RNF212: variants seen among roughly 807,000 people sequenced by gnomAD.
The protein encoded by RNF212 is probable E3 SUMO-protein ligase RNF212.
RNF212 carries 33 observed loss-of-function variants against 34.7 expected under a neutral mutation model. The observed-to-expected ratio is 0.95, with a 90% CI of 0.72 to 1.27. The LOEUF is 1.27. Among genes scored for constraint, RNF212 ranks in the 50% most tolerant of loss-of-function variants. The probability of loss-of-function intolerance (pLI) is 0.00; values close to 1 mark genes in which losing one functional copy is unlikely to be tolerated. For synonymous variants in RNF212, 140 were observed against 136.1 expected (o/e 1.03, Z -0.20); for missense variants, 377 against 362.2 (o/e 1.04, Z -0.33).
chr4:1,086,492 G>A (rs1721180638), intron 4 of RNF212, among the ~76,000 whole-genome samples: 1 of 145,606 alleles, frequency 6.9e-6, no homozygotes, highest in South Asian at 2.3e-4. Flanking sequence ...GCCCAGGCTG[G>A]CTCCTGCAAG....
At chr4:1,105,281 C>G (rs1305884160) in intron 2 of RNF212, among the ~76,000 whole-genome samples, 1 of 116,956 alleles carries the variant, frequency 8.6e-6, no homozygotes, top group African/African-American at 2.8e-5. Flanking sequence ...AGCTGCTGCT[C>G]TGCTCCGCGC....
At chr4:1,107,532 G>C (rs1048914190) in intron 2 of RNF212, among the ~76,000 whole-genome samples, 1 of 150,650 alleles carries the variant, frequency 6.6e-6, no homozygotes, top group African/African-American at 2.4e-5. Context: ...CTCACTGCAG[G>C]CTCCGCCTCC....
At chr4:1,110,517 G>T (rs1240679989) in intron 1 of RNF212, among the ~76,000 whole-genome samples, 4 of 152,050 alleles carry the variant, frequency 2.6e-5, no homozygotes, top group Non-Finnish European at 5.9e-5. Context: ...ATAGCAAAAC[G>T]GCAGAAACTA....
At chr4:1,091,007 C>G (rs1425441708) in intron 3 of RNF212, among the ~76,000 whole-genome samples, 169 bp from the exon 4 acceptor site, 3 of 152,158 alleles carry the variant, frequency 2.0e-5, no homozygotes, top group Non-Finnish European at 4.4e-5. Context: ...ACAGGCAGGG[C>G]CAAGGGCAAA....
At chr4:1,095,119 A>G (rs941819046) in intron 3 of RNF212, among the ~76,000 whole-genome samples, 371 of 114,714 alleles carry the variant, frequency 3.2e-3, no homozygotes, top group East Asian at 7.2e-3. Flanking sequence ...CCATGGTCTC[A>G]GGATAGCGCA....
chr4:1,101,216 G>GTGGC (rs1225577402), intron 2 of RNF212: 2 of 275,784 alleles, frequency 7.3e-6, no homozygotes, highest in African/African-American at 4.5e-5. Context: ...AGTAGCCGTG[G>GTGGC]TGGCATCTCT....
chr4:1,067,887 A>G (rs930081664), downstream of RNF212, among the ~76,000 whole-genome samples: 11 of 151,108 alleles, frequency 7.3e-5, no homozygotes, highest in South Asian at 8.3e-4. Context: ...AAAAAAAAAG[A>G]AATACCTAAA....
chr4:1,067,736 C>T (rs779930249), downstream of RNF212, among the ~76,000 whole-genome samples: 13 of 152,000 alleles, frequency 8.6e-5, 1 homozygote, highest in African/African-American at 2.2e-4. Context: ...AGGTGCTGCA[C>T]GCCTGTAATT....
chr4:1,074,868 T>C (rs1719024078), intron 8 of RNF212, among the ~76,000 whole-genome samples: 1 of 152,038 alleles, frequency 6.6e-6, no homozygotes. Flanking sequence ...CTCCAGGTAC[T>C]TCCTTTCACC....
At chr4:1,110,616 GAGTA>G (rs1326012558) in intron 1 of RNF212, among the ~76,000 whole-genome samples, 1 of 151,900 alleles carries the variant, frequency 6.6e-6, no homozygotes, top group East Asian at 1.9e-4. Context: ...GTCTATGTTT[GAGTA>G]AGTAATAAAA....
At chr4:1,076,353 C>T (rs976877515) in intron 8 of RNF212, among the ~76,000 whole-genome samples, 4 of 152,200 alleles carry the variant, frequency 2.6e-5, no homozygotes, top group African/African-American at 9.7e-5. Context: ...CATGGGATGG[C>T]GCTGGCTTTG....
chr4:1,088,523 G>A (rs912790236), intron 4 of RNF212, among the ~76,000 whole-genome samples: 4 of 152,210 alleles, frequency 2.6e-5, no homozygotes, highest in South Asian at 2.1e-4. Context: ...ATTGCAGCGC[G>A]ACCATGCAGT....
Position 1,073,009 on chromosome 4 carries a change from A to C in RNF212, c.759T>G (p.Leu253=). The change falls in exon 10 of 10, where the codon CTT becomes CTG. Residue 253 remains leucine (L), a synonymous_variant. Transcript: ENST00000433731. ...CCCTTTGTACCTCAGCATATATTGG[A>C]AGTGTTTTAGAGTTGGTGAGTTCCC... ...RHGELTNSKT[L]PIYAEVQRAV... The C allele has an allele frequency of 6.2e-7, 1 of 1,614,100 alleles. No homozygotes were observed. The highest frequency in any genetic ancestry group is 8.5e-7 in the Non-Finnish European group (1 of 1,180,028).
At chr4:1,110,890 G>A (rs183786127) in intron 1 of RNF212, among the ~76,000 whole-genome samples, 6 of 152,116 alleles carry the variant, frequency 3.9e-5, no homozygotes, top group African/African-American at 1.4e-4. Flanking sequence ...CAGACTACTG[G>A]AATCTGTGTT....
At chr4:1,106,695 A>ACCAGCCT (rs1724883066) in intron 2 of RNF212, among the ~76,000 whole-genome samples, 3 of 152,254 alleles carry the variant, frequency 2.0e-5, no homozygotes, top group Admixed American at 2.0e-4. Context: ...TTAAGGGCTC[A>ACCAGCCT]CCAGCCTCCA....
chr4:1,069,778 C>A (rs558829118), downstream of RNF212, among the ~76,000 whole-genome samples: 2 of 152,180 alleles, frequency 1.3e-5, no homozygotes, highest in Non-Finnish European at 1.5e-5. Flanking sequence ...GAATTTGAGG[C>A]CTTTATTCTT....
intron 3 of RNF212, chr4:1,093,284 A>T (rs886448904): frequency 1.4e-6 from 1 of 733,226 alleles, no homozygotes; most frequent in Non-Finnish European, 2.0e-6. Flanking sequence ...GTTGGTATTT[A>T]CCCTATTAGA....
chr4:1,106,393 A>C (rs1016322854), intron 2 of RNF212, among the ~76,000 whole-genome samples: 1 of 152,170 alleles, frequency 6.6e-6, no homozygotes, highest in African/African-American at 2.4e-5. Context: ...ATAATTAAAA[A>C]ACCCACATAG....
chr4:1,113,538 G>A lies in RNF212; in HGVS notation c.-74C>T, dbSNP rs372230431. On this transcript the variant is annotated 5_prime_UTR_variant, in exon 1 of 10. Coordinates refer to ENST00000433731, the MANE Select transcript of RNF212 (RefSeq NM_001131034.4). ...GCAAGGTTGGGACCAGCCTCCCCGC[G>A]CAGGGCCCGAAGGCGGGCAGCTCTG... The A allele has an allele frequency of 1.0e-5, 13 of 1,274,796 alleles. 1 individual carries two copies. Among genetic ancestry groups the A allele is most frequent in the Middle Eastern group, 2.2e-4 (1 of 4,474 alleles). The allele number at this position is 1,274,796 out of a possible 1,614,324, so 79.0% of individuals were successfully genotyped here. A position where few individuals can be genotyped will look rare whatever the true frequency, so the allele number is the denominator to read the frequency against.
Sources: allele counts gnomAD v4.1 joint callset (sites outside exome capture counted in the v4.1 genomes callset), GRCh38; gene constraint gnomAD v4.1.1; transcripts MANE v1.5; gene names NCBI Gene and HGNC (gene_info 2026-07-23, HGNC 2026-07-21).